The following PCDHA13 variants were observed in gnomAD, a reference collection of about 807,000 sequenced individuals.
The protein encoded by PCDHA13 is protocadherin alpha-13.
In PCDHA13, 54 loss-of-function variants were observed where a neutral mutation model predicts 64.8. That is an observed-to-expected ratio of 0.83 (90% CI 0.67 to 1.04). The LOEUF (loss-of-function observed/expected upper bound fraction) is 1.04. Among genes scored for constraint, PCDHA13 ranks in the 50% least tolerant of loss-of-function variants. PCDHA13 has a pLI of 0.00. For synonymous variants in PCDHA13, 587 were observed against 564.4 expected (o/e 1.04, Z -0.57); for missense variants, 1,248 against 1,254.3 (o/e 0.99, Z 0.08).
chr5:140,928,792 G>T (rs1190569981), intron 1 of PCDHA13: 1 of 1,614,048 alleles, frequency 6.2e-7, no homozygotes, highest in African/African-American at 1.3e-5. Context: ...TAAGCAGAGG[G>T]TGGTGGTAGT....
At chr5:140,920,023 C>T (rs1554199365) in intron 1 of PCDHA13, among the ~76,000 whole-genome samples, 1 of 152,096 alleles carries the variant, frequency 6.6e-6, no homozygotes, top group Non-Finnish European at 1.5e-5. Flanking sequence ...AAGATGGAGA[C>T]AGAGATTGGA....
intron 3 of PCDHA13, among the ~76,000 whole-genome samples, chr5:141,000,648 G>A (rs559996046): frequency 8.9e-4 from 134 of 150,894 alleles, no homozygotes; most frequent in African/African-American, 2.6e-3. Flanking sequence ...GGCTGGTCTC[G>A]AACTCCTGAC....
chr5:140,954,057 A>C (rs1554221238), intron 1 of PCDHA13, among the ~76,000 whole-genome samples: 1 of 152,112 alleles, frequency 6.6e-6, no homozygotes, highest in Admixed American at 6.5e-5. Flanking sequence ...TTCCTGCATT[A>C]TTATGCTGAG....
At chr5:140,891,644 T>C (rs1554184907) in intron 1 of PCDHA13, among the ~76,000 whole-genome samples, 1 of 152,246 alleles carries the variant, frequency 6.6e-6, no homozygotes, top group Non-Finnish European at 1.5e-5. Context: ...TGGGCTTTAT[T>C]GTGGATAGTT....
At chr5:140,941,210 T>C (rs199663607) in intron 1 of PCDHA13, among the ~76,000 whole-genome samples, 3,757 of 100,378 alleles carry the variant, frequency 0.037, 93 homozygotes, top group African/African-American at 0.096. Context: ...TTCCTTTCTT[T>C]CTTCCTTTCT....
Position 140,928,819 on chromosome 5 carries a change from G to A in PCDHA13, c.2394+44157G>A, listed in dbSNP as rs1464149149. On this transcript the variant is annotated intron_variant, in intron 1 of 3. Coordinates refer to ENST00000289272, the MANE Select transcript of PCDHA13 (RefSeq NM_018904.3). ...GGTGGTAGTGGTTCGGGACCATGGAGACCCACCACTTTCCTCCTCTGTCAC... is the reference window on the plus strand; with the variant it reads ...GGTGGTAGTGGTTCGGGACCATGGAAACCCACCACTTTCCTCCTCTGTCAC... 8 of 1,614,024 alleles carry A rather than the reference G, an allele frequency of 5.0e-6. No homozygotes were observed. In the Admixed American group the frequency reaches 1.0e-4, roughly 20 times the overall value.
Position 140,885,215 on chromosome 5 carries a change from A to T in PCDHA13, c.2394+553A>T, listed in dbSNP as rs564445744. Among the ~76,000 whole-genome samples the T allele has an allele frequency of 2.8e-3, 423 of 152,102 alleles. 2 individuals carry two copies. The highest frequency in any genetic ancestry group is 0.014 in the Middle Eastern group (4 of 294). On this transcript the variant is annotated intron_variant, in intron 1 of 3. Transcript: ENST00000289272. ...CCCTCTCATATATCCCATGAAAAAT[A>T]TCTTGTGATTCTGCTTTCAATTTTT... is the stretch of plus-strand genomic sequence containing the variant.
intron 1 of PCDHA13, chr5:140,969,002 T>C (rs201544118): frequency 8.1e-6 from 13 of 1,614,214 alleles, no homozygotes; most frequent in Non-Finnish European, 1.1e-5. Context: ...TGGAGGCTTC[T>C]GTGGAGTAAG....
chr5:140,900,022 T>C (rs1554188836), intron 1 of PCDHA13, among the ~76,000 whole-genome samples: 1 of 152,044 alleles, frequency 6.6e-6, no homozygotes, highest in African/African-American at 2.4e-5. Flanking sequence ...GTTACCCAGT[T>C]TGGCCTTGAA....
Position 140,979,960 on chromosome 5 carries a change from C to T in PCDHA13, c.2453+953C>T, listed in dbSNP as rs2096871601. 2.0e-5 allele frequency among the ~76,000 whole-genome samples: 3 copies of T among 152,266 alleles called. No homozygotes were observed. The South Asian group carries it at 6.2e-4, about 32-fold the overall frequency. ...AGAGTTAATGTGAAATTAGTTTTAG[C>T]CCATTAAAATGCATTAGATTGAAAT... On this transcript the variant is annotated intron_variant, in intron 2 of 3. Coordinates refer to ENST00000289272, the MANE Select transcript of PCDHA13 (RefSeq NM_018904.3).
chr5:140,999,040 G>A (rs1450256691), intron 3 of PCDHA13, among the ~76,000 whole-genome samples: 2 of 152,218 alleles, frequency 1.3e-5, no homozygotes, highest in African/African-American at 2.4e-5. Context: ...TTCGTCCAGT[G>A]TGCTTTCCAC....
chr5:140,939,005 G>A (rs2092293653), intron 1 of PCDHA13, among the ~76,000 whole-genome samples: 1 of 152,200 alleles, frequency 6.6e-6, no homozygotes, highest in Non-Finnish European at 1.5e-5. Flanking sequence ...AAGTTAAGAA[G>A]TGTTACTTTT....
At chr5:140,971,844 C>T (rs1209652703) in intron 1 of PCDHA13, among the ~76,000 whole-genome samples, 2 of 151,920 alleles carry the variant, frequency 1.3e-5, no homozygotes, top group African/African-American at 2.4e-5. Flanking sequence ...GCAAGTCATG[C>T]GTTAAATATT....
rs548394870 is a variant in PCDHA13 at position 140,927,042 on chromosome 5, G to A, written c.2394+42380G>A. ...ACTTGAGGCTGCCAGCGGCCGCTATGTCCTCGCGGAACTTTCGCTTCCTTT... is the reference window on the plus strand; with the variant it reads ...ACTTGAGGCTGCCAGCGGCCGCTATATCCTCGCGGAACTTTCGCTTCCTTT... On this transcript the variant is annotated intron_variant, in intron 1 of 3. Transcript: ENST00000289272. The A allele has an allele frequency of 1.4e-4, 226 of 1,612,386 alleles. 8 individuals are homozygous for A. The South Asian group carries it at 2.4e-3, about 17-fold the overall frequency.
chr5:141,010,378 A>C lies in PCDHA13; in HGVS notation c.*441A>C. ...GCTACCGCGGGTATGCGAGTGCCAG[A>C]TATTGGCTGAGACGAGCCAGCTTAG... is the stretch of plus-strand genomic sequence containing the variant. On this transcript the variant is annotated 3_prime_UTR_variant, in exon 4 of 4. Coordinates refer to ENST00000289272, the MANE Select transcript of PCDHA13 (RefSeq NM_018904.3). 6.9e-7 allele frequency: 1 copy of C among 1,450,180 alleles called. No individual in the cohort carries two copies. Among genetic ancestry groups the C allele is most frequent in the Non-Finnish European group, 9.2e-7 (1 of 1,092,666 alleles). 89.8% of individuals were successfully genotyped at this position (1,450,180 alleles called of 1,614,324 possible).
At chr5:140,992,236 G>A (rs1431521103) in intron 3 of PCDHA13, among the ~76,000 whole-genome samples, 1 of 152,168 alleles carries the variant, frequency 6.6e-6, no homozygotes, top group African/African-American at 2.4e-5. Context: ...GAAGAGTAAG[G>A]AAGGAAGTAG....
chr5:140,996,848 G>A (rs560517454), intron 3 of PCDHA13, among the ~76,000 whole-genome samples: 1 of 152,254 alleles, frequency 6.6e-6, no homozygotes, highest in African/African-American at 2.4e-5. Flanking sequence ...TGCATCTTCA[G>A]AATTCTTTAT....
Position 140,882,791 on chromosome 5 carries a change from A to G in PCDHA13, c.523A>G (p.Asn175Asp), listed in dbSNP as rs1554175610. The change falls in exon 1 of 4, where the codon AAC (asparagine) becomes GAC (aspartate). Residue 175 changes from asparagine to aspartate, a missense_variant. Coordinates refer to ENST00000289272, the MANE Select transcript of PCDHA13 (RefSeq NM_018904.3). Reference sequence around the variant, plus strand: ...GGCATTGACCTACCGACTGGATCCCAACGATTATTTCACTTTGGACGCACA... The same window carrying G: ...GGCATTGACCTACCGACTGGATCCCGACGATTATTTCACTTTGGACGCACA... ...NSALTYRLDPNDYFTLDAQNS... is the reference protein window; with the variant it reads ...NSALTYRLDPDDYFTLDAQNS... The G allele has an allele frequency of 6.2e-7, 1 of 1,614,254 alleles. No individual in the cohort carries two copies. The highest frequency in any genetic ancestry group is 1.1e-5 in the South Asian group (1 of 91,088).
chr5:140,982,561 C>G lies in PCDHA13; in HGVS notation c.2540C>G (p.Pro847Arg), dbSNP rs560422677. ...QQWPTVSSAT[P>R]EPEAGEVSPP... The stretch of plus-strand genomic sequence containing the variant: ...TGGCCAACAGTATCCAGTGCAACAC[C>G]AGGTAAAGAGCTGGGGTCTCTCCAT... The change falls in exon 3 of 4, where the codon CCA (proline) becomes CGA (arginine). Residue 847 changes from proline (P) to arginine (R), a missense_variant and splice_region_variant. By Grantham distance (103) the Pro-to-Arg change is moderately radical. Coordinates refer to ENST00000289272, the MANE Select transcript of PCDHA13 (RefSeq NM_018904.3). The G allele has an allele frequency of 6.2e-7, 1 of 1,614,060 alleles. No individual in the cohort carries two copies. Among genetic ancestry groups the G allele is most frequent in the African/African-American group, 1.3e-5 (1 of 75,052 alleles).
Sources: allele counts gnomAD v4.1 joint callset (sites outside exome capture counted in the v4.1 genomes callset), GRCh38; gene constraint gnomAD v4.1.1; transcripts MANE v1.5; gene names NCBI Gene and HGNC (gene_info 2026-07-23, HGNC 2026-07-21).